The following MPDZ variants were observed in gnomAD, a reference collection of about 807,000 sequenced individuals.
The protein encoded by MPDZ is multiple PDZ domain crumbs cell polarity complex component, also known as multiple PDZ domain protein.
MPDZ carries 234 observed loss-of-function variants against 239.1 expected under a neutral mutation model. The observed-to-expected ratio is 0.98, with a 90% CI of 0.88 to 1.09. The LOEUF (loss-of-function observed/expected upper bound fraction) is 1.09, where lower values mean the gene tolerates loss of function less well. Among genes scored for constraint, MPDZ ranks in the 50% least tolerant of loss-of-function variants. The pLI, the probability that MPDZ is intolerant of heterozygous loss-of-function variation, is 0.00. For synonymous variants in MPDZ, 1,048 were observed against 881.3 expected (o/e 1.19, Z -3.35); for missense variants, 3,175 against 2,510.0 (o/e 1.26, Z -5.66).
chr9:13,121,477 T>C (rs1586950436), intron 38 of MPDZ, among the ~76,000 whole-genome samples: 1 of 152,220 alleles, frequency 6.6e-6, no homozygotes, highest in African/African-American at 2.4e-5. Context: ...TTCTGAAAAC[T>C]TAACGTATTT....
At chr9:13,164,241 C>T (rs1359878896) in intron 22 of MPDZ, among the ~76,000 whole-genome samples, 1 of 152,186 alleles carries the variant, frequency 6.6e-6, no homozygotes, top group Non-Finnish European at 1.5e-5. Flanking sequence ...GAAAAAGTTG[C>T]ATTCCAATTC....
intron 1 of MPDZ, among the ~76,000 whole-genome samples, chr9:13,272,438 G>GT: frequency 6.6e-6 from 1 of 152,240 alleles, no homozygotes; most frequent in East Asian, 1.9e-4. Context: ...CAATGCTATA[G>GT]TTTTGTAAAA....
At chr9:13,230,349 C>A (rs1408355926) in intron 3 of MPDZ, among the ~76,000 whole-genome samples, 1 of 152,146 alleles carries the variant, frequency 6.6e-6, no homozygotes, top group African/African-American at 2.4e-5. Flanking sequence ...AAAATCCATA[C>A]ACAATCGCTC....
At position 13,158,082 on chromosome 9, in the gene MPDZ, C is replaced by A; in HGVS notation, c.3388G>T (p.Glu1130Ter). The change falls in exon 24 of 47, where the codon GAG (glutamate) becomes TAG (stop). Residue 1130 changes from glutamate to a stop codon, truncating the protein, a stop_gained. Transcript: ENST00000319217. LOFTEE classifies it high-confidence loss of function. ...AGTTCGCTTTCTTCACCCTCTCCCT[C>A]TTCTCGCTCTGGTAATTCTGGAATG... The part of the protein sequence containing the change: ...RDIPELPERE[E>*]GEGEESELQN... 1 of 1,612,724 alleles carries A rather than the reference C, an allele frequency of 6.2e-7. No individual in the cohort carries two copies. Among genetic ancestry groups the A allele is most frequent in the South Asian group, 1.1e-5 (1 of 91,022 alleles).
intron 23 of MPDZ, among the ~76,000 whole-genome samples, chr9:13,162,380 C>T (rs1014696100): frequency 4.6e-5 from 7 of 151,708 alleles, no homozygotes; most frequent in African/African-American, 1.5e-4. Context: ...CAATTTCTTA[C>T]GTTCTAAGAA....
intron 10 of MPDZ, among the ~76,000 whole-genome samples, chr9:13,209,899 G>T (rs571469221): frequency 1.3e-5 from 2 of 151,926 alleles, no homozygotes; most frequent in African/African-American, 4.8e-5. Flanking sequence ...CAGAAACAAG[G>T]CTGGAGACTC....
chr9:13,213,559 A>G (rs1157698378), intron 10 of MPDZ, among the ~76,000 whole-genome samples: 1 of 152,098 alleles, frequency 6.6e-6, no homozygotes, highest in African/African-American at 2.4e-5. Flanking sequence ...GATATTTAGT[A>G]AAAAATTAAT....
intron 16 of MPDZ, 33 bp from the exon 17 acceptor site, chr9:13,189,026 T>C (rs772156634): frequency 2.5e-6 from 4 of 1,581,628 alleles, no homozygotes; most frequent in Non-Finnish European, 3.5e-6. Context: ...AGTCAGCTCA[T>C]TTTACAAAGA....
At chr9:13,151,406 A>T (rs1334142357) in intron 24 of MPDZ, among the ~76,000 whole-genome samples, 3 of 152,156 alleles carry the variant, frequency 2.0e-5, no homozygotes, top group Non-Finnish European at 4.4e-5. Flanking sequence ...ATTATCTATC[A>T]AGAAATGAGT....
intron 10 of MPDZ, among the ~76,000 whole-genome samples, chr9:13,211,126 C>G (rs1305043426): frequency 2.6e-5 from 4 of 151,992 alleles, no homozygotes; most frequent in Non-Finnish European, 4.4e-5. Flanking sequence ...TGAAATTAGA[C>G]TATTATTTAG....
At chr9:13,144,269 T>C (rs900194665) in intron 26 of MPDZ, among the ~76,000 whole-genome samples, 8 of 152,080 alleles carry the variant, frequency 5.3e-5, no homozygotes, top group African/African-American at 1.9e-4. Context: ...TATGAGGCTT[T>C]AGATAATATT....
rs1330398524 is a variant in MPDZ, at chr9:13,219,583, G to C, written c.1062C>G (p.Ser354=). The change falls in exon 8 of 47, where the codon TCC becomes TCG. Residue 354 remains serine (S), a synonymous_variant. Transcript: ENST00000319217. ...PTALGITLSS[S]PTSTPELRVD... is the part of the protein sequence containing the mutation. ...CCCGCAACTCTGGTGTTGAAGTTGGGGATGAGGAGAGGGTGATGCCCAAAG... is the reference window on the plus strand; with the variant it reads ...CCCGCAACTCTGGTGTTGAAGTTGGCGATGAGGAGAGGGTGATGCCCAAAG... The C allele has an allele frequency of 1.9e-6, 3 of 1,611,900 alleles. No homozygotes were observed. Among genetic ancestry groups the C allele is most frequent in the Admixed American group, 3.3e-5 (2 of 59,738 alleles).
intron 21 of MPDZ, among the ~76,000 whole-genome samples, chr9:13,169,418 T>C (rs1326603416): frequency 1.3e-5 from 2 of 152,148 alleles, no homozygotes. Flanking sequence ...GGGGTCTTTC[T>C]TGATGCATAC....
At chr9:13,178,896 C>T (rs1278134922) in intron 19 of MPDZ, among the ~76,000 whole-genome samples, 2 of 152,184 alleles carry the variant, frequency 1.3e-5, no homozygotes, top group African/African-American at 2.4e-5. Context: ...AGTCCTTCCA[C>T]ACAAAGTAAA....
intron 1 of MPDZ, among the ~76,000 whole-genome samples, chr9:13,277,705 C>G (rs557365271): frequency 1.5e-4 from 23 of 152,234 alleles, no homozygotes; most frequent in Admixed American, 4.6e-4. Flanking sequence ...TCTGAGACTA[C>G]AGGTGCGAGC....
In MPDZ at chr9:13,247,809, A is replaced by G. The variant is rs1391091162; in HGVS notation, c.17-8T>C. Reference sequence around the variant, plus strand: ...GCAGGGCCCGATTTTTGTCTATACCAAAGAGCAGCATTTGTCAATAACAGG... The same window carrying G: ...GCAGGGCCCGATTTTTGTCTATACCGAAGAGCAGCATTTGTCAATAACAGG... On this transcript the variant is annotated splice_region_variant and splice_polypyrimidine_tract_variant and intron_variant, in intron 2 of 46. Transcript: ENST00000319217. 1.3e-6 allele frequency: 2 copies of G among 1,591,912 alleles called. No individual in the cohort carries two copies. Among genetic ancestry groups the G allele is most frequent in the Admixed American group, 1.7e-5 (1 of 59,654 alleles).
intron 3 of MPDZ, among the ~76,000 whole-genome samples, chr9:13,233,193 A>C (rs1467117258): frequency 6.6e-6 from 1 of 152,180 alleles, no homozygotes; most frequent in Non-Finnish European, 1.5e-5. Context: ...TATCACTCTT[A>C]AGTGAACATC....
chr9:13,214,920 AGTTATAATGTGGACTTAAAGGGAGAGAT>A (rs1255377842), intron 10 of MPDZ, among the ~76,000 whole-genome samples: 1 of 151,952 alleles, frequency 6.6e-6, no homozygotes, highest in Non-Finnish European at 1.5e-5. Flanking sequence ...AGACTCACGG[AGTTATAATGTGGACTTAAAGGGAGAGAT>A]AAAGGACTCC....
chr9:13,169,467 C>T (rs1029776686), intron 21 of MPDZ, among the ~76,000 whole-genome samples: 5 of 152,080 alleles, frequency 3.3e-5, no homozygotes, highest in African/African-American at 1.2e-4. Context: ...ACACCAAATC[C>T]TGTCATTTCT....
Sources: gnomAD v4.1 joint callset for allele counts (sites outside exome capture counted in the v4.1 genomes callset) on GRCh38, gnomAD v4.1.1 for gene constraint, MANE v1.5 for transcripts, NCBI Gene and HGNC (gene_info 2026-07-23, HGNC 2026-07-21) for gene names.